The following POU6F2 variants were observed in gnomAD, a reference collection of about 807,000 sequenced individuals.
POU6F2 encodes the protein POU class 6 homeobox 2.
In POU6F2, 31 loss-of-function variants were observed where a neutral mutation model predicts 71.3. The ratio of observed to expected loss-of-function variants is 0.43; its 90% CI spans 0.33 to 0.59. The LOEUF is 0.59. Ranked by LOEUF, POU6F2 falls within the 20% of genes least tolerant of loss-of-function variation. The pLI is 0.04. For missense variants in POU6F2, 783 were observed against 856.8 expected, an observed-to-expected ratio of 0.91 and a Z score of 1.07; for synonymous variants, 347 against 355.7, an observed-to-expected ratio of 0.98 and a Z score of 0.27.
At chr7:39,450,744 A>T (rs1788639967) in intron 7 of POU6F2, among the ~76,000 whole-genome samples, 1 of 152,192 alleles carries the variant, frequency 6.6e-6, no homozygotes, top group Admixed American at 6.5e-5. Flanking sequence ...GTGTCCAGAG[A>T]CCAGCTCCTC....
intron 5 of POU6F2, among the ~76,000 whole-genome samples, chr7:39,355,622 C>A (rs1458310348): frequency 2.6e-5 from 4 of 152,066 alleles, no homozygotes; most frequent in Non-Finnish European, 4.4e-5. Flanking sequence ...AAACACCAAA[C>A]ACCCTTCCCA....
intron 6 of POU6F2, among the ~76,000 whole-genome samples, chr7:39,414,639 G>T (rs1372628664): frequency 6.6e-6 from 1 of 152,232 alleles, no homozygotes; most frequent in Non-Finnish European, 1.5e-5. Context: ...CAGCAGAAGC[G>T]CCGGGCTGTG....
chr7:39,083,114 CTGCATTT>C (rs1562698984), intron 1 of POU6F2, among the ~76,000 whole-genome samples: 1 of 152,196 alleles, frequency 6.6e-6, no homozygotes, highest in Non-Finnish European at 1.5e-5. Context: ...AACTCAGCAG[CTGCATTT>C]CAGCTCGTCA....
intron 4 of POU6F2, among the ~76,000 whole-genome samples, chr7:39,297,232 C>CACACACACAT (rs1211674447): frequency 1.3e-5 from 2 of 149,928 alleles, no homozygotes; most frequent in African/African-American, 4.9e-5. Context: ...CACACACACA[C>CACACACACAT]ACACATGAAT....
intron 5 of POU6F2, among the ~76,000 whole-genome samples, chr7:39,350,116 C>T (rs1786112287): frequency 6.6e-6 from 1 of 152,142 alleles, no homozygotes; most frequent in Non-Finnish European, 1.5e-5. Flanking sequence ...AACTGTAGTT[C>T]GACAGGGCTC....
intron 2 of POU6F2, among the ~76,000 whole-genome samples, chr7:39,202,433 G>A (rs896084195): frequency 6.6e-6 from 1 of 152,166 alleles, no homozygotes; most frequent in African/African-American, 2.4e-5. Flanking sequence ...ACCCATGCCT[G>A]GCAAGTATGG....
At chr7:39,063,259 C>T (rs771527311) in intron 1 of POU6F2, among the ~76,000 whole-genome samples, 1 of 151,994 alleles carries the variant, frequency 6.6e-6, no homozygotes, top group Non-Finnish European at 1.5e-5. Flanking sequence ...CCTGTAATCC[C>T]ACCACTTGGG....
chr7:39,210,926 A>G (rs940824253), intron 4 of POU6F2, among the ~76,000 whole-genome samples: 7 of 152,188 alleles, frequency 4.6e-5, no homozygotes, highest in African/African-American at 9.7e-5. Flanking sequence ...TTTATAAACA[A>G]CAGATTGTAT....
At chr7:39,208,047 A>T (rs1288619875) in intron 4 of POU6F2, among the ~76,000 whole-genome samples, 1 of 152,200 alleles carries the variant, frequency 6.6e-6, no homozygotes, top group African/African-American at 2.4e-5. Flanking sequence ...ACAAGATATT[A>T]TTTGGAATAA....
chr7:39,091,479 T>C lies in POU6F2; in HGVS notation c.277+5448T>C, dbSNP rs1402071444. 2.6e-5 allele frequency among the ~76,000 whole-genome samples: 4 copies of C among 152,326 alleles called. 1 individual carries two copies. In the Middle Eastern group the frequency reaches 0.01, roughly 389 times the overall value. Reference sequence around the variant, plus strand: ...TTTGATTACTGTAATTCTTATATTTTGTTGTTGTCATTAAACGGTCCTAAA... The same window carrying C: ...TTTGATTACTGTAATTCTTATATTTCGTTGTTGTCATTAAACGGTCCTAAA... On this transcript the variant is annotated intron_variant, in intron 2 of 9. Transcript: ENST00000518318.
chr7:39,443,713 T>C (rs1417619343), intron 7 of POU6F2, among the ~76,000 whole-genome samples: 1 of 152,154 alleles, frequency 6.6e-6, no homozygotes, highest in Non-Finnish European at 1.5e-5. Context: ...AGTCAAAAAG[T>C]TAAAAGCTCA....
intron 4 of POU6F2, among the ~76,000 whole-genome samples, chr7:39,252,517 T>C (rs1783944356): frequency 6.6e-6 from 1 of 152,014 alleles, no homozygotes; most frequent in South Asian, 2.1e-4. Context: ...TCTTTGCCAC[T>C]GTGAAATGAA....
chr7:39,251,884 C>A (rs898385490), intron 4 of POU6F2, among the ~76,000 whole-genome samples: 1 of 152,146 alleles, frequency 6.6e-6, no homozygotes, highest in Non-Finnish European at 1.5e-5. Context: ...ACCACCCTTA[C>A]AATCCCTACC....
chr7:39,338,704 A>G (rs1426929177), intron 4 of POU6F2, among the ~76,000 whole-genome samples: 1 of 152,226 alleles, frequency 6.6e-6, no homozygotes, highest in East Asian at 1.9e-4. Flanking sequence ...TTTAGGCAAA[A>G]AAGAAAGTGA....
At chr7:39,388,518 G>T (rs13438025) in intron 5 of POU6F2, among the ~76,000 whole-genome samples, 3 of 151,984 alleles carry the variant, frequency 2.0e-5, no homozygotes, top group South Asian at 4.1e-4. Flanking sequence ...GTTTCACCAC[G>T]TTGGCCAGGC....
chr7:39,292,767 A>G (rs1784783804), intron 4 of POU6F2, among the ~76,000 whole-genome samples: 1 of 152,128 alleles, frequency 6.6e-6, no homozygotes, highest in Non-Finnish European at 1.5e-5. Context: ...GTCTCATAGA[A>G]GCGGAATGCA....
chr7:39,420,908 T>C (rs1284512019), intron 6 of POU6F2, among the ~76,000 whole-genome samples: 1 of 152,046 alleles, frequency 6.6e-6, no homozygotes, highest in Non-Finnish European at 1.5e-5. Flanking sequence ...AGTCAGAAAA[T>C]CATTACATTT....
At chr7:39,280,105 A>C (rs1187437244) in intron 4 of POU6F2, among the ~76,000 whole-genome samples, 1 of 152,082 alleles carries the variant, frequency 6.6e-6, no homozygotes, top group Non-Finnish European at 1.5e-5. Flanking sequence ...TCATGACCTT[A>C]TTTTAATGTG....
intron 5 of POU6F2, among the ~76,000 whole-genome samples, chr7:39,375,774 C>G (rs1479612386): frequency 1.3e-5 from 2 of 152,124 alleles, no homozygotes. Context: ...AGAGACATAC[C>G]CAGAGCTGTC....
Sources: allele counts gnomAD v4.1 joint callset (sites outside exome capture counted in the v4.1 genomes callset), GRCh38; gene constraint gnomAD v4.1.1; transcripts MANE v1.5; gene names NCBI Gene and HGNC (gene_info 2026-07-23, HGNC 2026-07-21).